PSMG4: variants seen among roughly 807,000 people sequenced by gnomAD.
PSMG4 encodes proteasome assembly chaperone 4.
PSMG4 carries 10 observed loss-of-function variants against 11.0 expected under a neutral mutation model. The observed-to-expected ratio is 0.91, with a 90% CI of 0.56 to 1.54. The LOEUF (loss-of-function observed/expected upper bound fraction) is 1.54, where lower values mean the gene tolerates loss of function less well. Among genes scored for constraint, PSMG4 ranks in the 40% most tolerant of loss-of-function variants. PSMG4 has a pLI of 0.00. For missense variants in PSMG4, 198 were observed against 160.9 expected (o/e 1.23, Z -1.25); for synonymous variants, 95 against 71.3 (o/e 1.33, Z -1.68).
chr6:3,256,437 C>T (rs1365628527), upstream of PSMG4, among the ~76,000 whole-genome samples: 1 of 152,212 alleles, frequency 6.6e-6, no homozygotes, highest in African/African-American at 2.4e-5. Flanking sequence ...TTCCCCAGAT[C>T]TCAATTCCAG....
At chr6:3,260,254 C>G (rs902245088) in intron 1 of PSMG4, among the ~76,000 whole-genome samples, 1 of 146,920 alleles carries the variant, frequency 6.8e-6, no homozygotes, top group Admixed American at 6.8e-5. Flanking sequence ...CCATCCTACT[C>G]CAGTATAACC....
chr6:3,254,767 A>C (rs1365462142), upstream of PSMG4, among the ~76,000 whole-genome samples: 7 of 152,128 alleles, frequency 4.6e-5, no homozygotes, highest in South Asian at 2.1e-4. Flanking sequence ...TGTAATGCTC[A>C]CCTGTAGGGT....
chr6:3,254,425 T>A (rs144646136), upstream of PSMG4, among the ~76,000 whole-genome samples: 1 of 149,086 alleles, frequency 6.7e-6, no homozygotes, highest in East Asian at 2.0e-4. Flanking sequence ...TGAGGAGGTA[T>A]GGCTTTGTGC....
chr6:3,255,507 G>C (rs1004666363), upstream of PSMG4, among the ~76,000 whole-genome samples: 7 of 152,268 alleles, frequency 4.6e-5, no homozygotes, highest in Non-Finnish European at 7.4e-5. Flanking sequence ...GCCTGGCCAG[G>C]TCATTCCCCA....
At chr6:3,263,896 C>T in intron 2 of PSMG4, 137 bp downstream of exon 2, 5 of 1,454,088 alleles carry the variant, frequency 3.4e-6, no homozygotes, top group African/African-American at 1.4e-5. Flanking sequence ...GAAGCACAGA[C>T]CTTTGCACGT....
chr6:3,264,766 C>T (rs11753155), intron 2 of PSMG4: 105,334 of 154,222 alleles, frequency 0.68, 39,047 homozygotes, highest in Non-Finnish European at 0.82. Context: ...AGATAGAATT[C>T]CTGCTTAGCT....
rs1352606471 is a variant in PSMG4 at position 3,267,847 on chromosome 6, C to A, written c.*135C>A. On this transcript the variant is annotated 3_prime_UTR_variant, in exon 3 of 3. Transcript: ENST00000438998. ...TTAATCTTTTGAGCTTCCTTCTCAG[C>A]AGTGTGTGGGCCAAAAGGCTCATAC... 48 of 928,768 alleles carry A rather than the reference C, an allele frequency of 5.2e-5. No homozygotes were observed. The highest frequency in any genetic ancestry group is 7.0e-5 in the Non-Finnish European group (44 of 631,590). The allele number at this position is 928,768 out of a possible 1,614,324, so 57.5% of individuals were successfully genotyped here. A position where few individuals can be genotyped will look rare whatever the true frequency, so the allele number is the denominator to read the frequency against.
upstream of PSMG4, among the ~76,000 whole-genome samples, chr6:3,256,118 A>G (rs779758800): frequency 6.6e-6 from 1 of 152,052 alleles, no homozygotes; most frequent in Non-Finnish European, 1.5e-5. Flanking sequence ...GGTGGCACAA[A>G]TTTTCACCAT....
upstream of PSMG4, chr6:3,255,299 GGA>G (rs1757723301): frequency 1.3e-6 from 2 of 1,522,148 alleles, no homozygotes; most frequent in Non-Finnish European, 1.8e-6. Flanking sequence ...GCCCATCCTG[GGA>G]GAGTGGTGGA....
chr6:3,264,901 G>C (rs1248283385), intron 2 of PSMG4: 4 of 153,610 alleles, frequency 2.6e-5, no homozygotes, highest in Non-Finnish European at 5.8e-5. Context: ...TGTGTAAGGG[G>C]TAGCACACTT....
intron 1 of PSMG4, among the ~76,000 whole-genome samples, chr6:3,260,207 C>CTT (rs10626220): frequency 0.72 from 106,775 of 149,074 alleles, 40,109 homozygotes; most frequent in Non-Finnish European, 0.83. Flanking sequence ...GAGCCCGACT[C>CTT]TTCTCATAAG....
intron 2 of PSMG4, chr6:3,265,938 A>T (rs1262902596): frequency 2.6e-5 from 4 of 151,460 alleles, no homozygotes; most frequent in Non-Finnish European, 4.4e-5. Flanking sequence ...TTTTTTTAAT[A>T]AAAAAACAGC....
chr6:3,260,291 A>ATATATATATATATATATTTTTTTTTT, intron 1 of PSMG4, among the ~76,000 whole-genome samples: 2 of 70,864 alleles, frequency 2.8e-5, no homozygotes, highest in South Asian at 5.9e-4. Context: ...ATATATATAT[A>ATATATATATATATATATTTTTTTTTT]TTTTTTTTTT....
intron 2 of PSMG4, chr6:3,266,652 A>G (rs1194493404): frequency 6.6e-6 from 1 of 152,060 alleles, no homozygotes; most frequent in Non-Finnish European, 1.5e-5. Flanking sequence ...CACCTCAGCC[A>G]TTTTCTATTG....
intron 1 of PSMG4, 35 bp downstream of exon 1, chr6:3,259,231 G>C (rs908913426): frequency 4.0e-6 from 5 of 1,256,536 alleles, no homozygotes; most frequent in Admixed American, 4.2e-5. Context: ...CGGGCGGCGG[G>C]GCGGGGGCGC....
chr6:3,255,079 T>C (rs1158680586), upstream of PSMG4: 3 of 1,551,022 alleles, frequency 1.9e-6, no homozygotes, highest in Non-Finnish European at 2.6e-6. Flanking sequence ...TATGCTTCTA[T>C]TCCTAAGAAG....
chr6:3,267,523 T>C, intron 2 of PSMG4, 68 bp from the exon 3 acceptor site: 1 of 1,525,072 alleles, frequency 6.6e-7, no homozygotes, highest in South Asian at 1.2e-5. Context: ...CAGCTGCACG[T>C]GGCTGTGAGG....
rs547482832 is a variant in PSMG4 at position 3,259,298 on chromosome 6, G to A, written c.174+102G>A. 8.4e-6 allele frequency: 9 copies of A among 1,075,724 alleles called. No homozygotes were observed. In the East Asian group the frequency reaches 1.3e-4, roughly 16 times the overall value. The allele number at this position is 1,075,724 out of a possible 1,614,324, so 66.6% of individuals were successfully genotyped here. Reference sequence around the variant, plus strand: ...CCCAGGCTTCTCTTGGGTCCACAGGGCGCCCTACTCCCCCGAAGCCCACCC... The same window carrying A: ...CCCAGGCTTCTCTTGGGTCCACAGGACGCCCTACTCCCCCGAAGCCCACCC... On this transcript the variant is annotated intron_variant, in intron 1 of 2. Coordinates refer to ENST00000438998, the MANE Select transcript of PSMG4 (RefSeq NM_001128591.2).
At chr6:3,254,945 G>C, upstream of PSMG4, 1 of 1,275,658 alleles carries the variant, frequency 7.8e-7, no homozygotes, top group Non-Finnish European at 1.1e-6. Context: ...CTGGGTGTCA[G>C]CTGTTGGGTG....
Sources: allele counts gnomAD v4.1 joint callset (sites outside exome capture counted in the v4.1 genomes callset), GRCh38; gene constraint gnomAD v4.1.1; transcripts MANE v1.5; gene names NCBI Gene and HGNC (gene_info 2026-07-23, HGNC 2026-07-21).